ACSS3: variants seen among roughly 807,000 people sequenced by gnomAD.
ACSS3 encodes acyl-CoA synthetase short-chain family member 3, mitochondrial.
Under a neutral mutation model 84.2 loss-of-function variants are expected in ACSS3, and 64 were observed. The ratio of observed to expected loss-of-function variants is 0.76; its 90% CI spans 0.62 to 0.94. The LOEUF (loss-of-function observed/expected upper bound fraction) is 0.94. Ranked by LOEUF, ACSS3 falls within the 40% of genes least tolerant of loss-of-function variation. The pLI is 0.00. For missense variants in ACSS3, 815 were observed against 867.6 expected, an observed-to-expected ratio of 0.94 and a Z score of 0.76; for synonymous variants, 317 against 310.1, an observed-to-expected ratio of 1.02 and a Z score of -0.23.
intron 1 of ACSS3, among the ~76,000 whole-genome samples, chr12:81,107,484 G>T (rs1481983725): frequency 3.7e-5 from 3 of 81,266 alleles, no homozygotes; most frequent in Admixed American, 1.6e-4. Flanking sequence ...TGCCAGAAAT[G>T]TTTTTTTTTT....
intron 7 of ACSS3, among the ~76,000 whole-genome samples, chr12:81,165,126 T>C (rs548739663): frequency 3.1e-4 from 47 of 152,296 alleles, no homozygotes; most frequent in Non-Finnish European, 6.8e-4. Flanking sequence ...CCATGACTAG[T>C]TGTTAAAAAA....
At chr12:81,158,391 A>C (rs1593141058) in intron 7 of ACSS3, 2 of 153,634 alleles carry the variant, frequency 1.3e-5, no homozygotes, top group Middle Eastern at 1.0e-3. Context: ...CTTCAACAGC[A>C]ATTGGAGAAG....
intron 1 of ACSS3, among the ~76,000 whole-genome samples, chr12:81,096,966 T>C (rs978960086): frequency 2.0e-4 from 31 of 152,220 alleles, no homozygotes; most frequent in African/African-American, 7.5e-4. Context: ...AAATTTAAAG[T>C]TGTTTAATTT....
At chr12:81,171,196 A>G (rs1182306371) in intron 7 of ACSS3, among the ~76,000 whole-genome samples, 1 of 152,170 alleles carries the variant, frequency 6.6e-6, no homozygotes, top group East Asian at 1.9e-4. Flanking sequence ...TAAATAAATA[A>G]ATATACCAGT....
chr12:81,087,594 G>T (rs1881402434), intron 1 of ACSS3, among the ~76,000 whole-genome samples: 1 of 152,008 alleles, frequency 6.6e-6, no homozygotes, highest in African/African-American at 2.4e-5. Context: ...TTAATCTAAT[G>T]AGTGCATGGG....
At chr12:81,240,899 A>G (rs2033778245) in intron 13 of ACSS3, among the ~76,000 whole-genome samples, 1 of 151,968 alleles carries the variant, frequency 6.6e-6, no homozygotes, top group Non-Finnish European at 1.5e-5. Context: ...GGTTAGTTAC[A>G]TATGTATACA....
chr12:81,225,990 C>A (rs2033260907), intron 11 of ACSS3, among the ~76,000 whole-genome samples: 1 of 151,904 alleles, frequency 6.6e-6, no homozygotes, highest in South Asian at 2.1e-4. Flanking sequence ...TGCCTTTGTG[C>A]ATTAAGCCAC....
intron 9 of ACSS3, among the ~76,000 whole-genome samples, chr12:81,204,764 C>T (rs1385076568): frequency 6.6e-6 from 1 of 152,134 alleles, no homozygotes; most frequent in East Asian, 1.9e-4. Flanking sequence ...TTCAAGTGTC[C>T]TTATGTCCAG....
Position 81,078,258 on chromosome 12 carries a change from CG to C in ACSS3, c.143del (p.Gly48AlafsTer23). 6.2e-7 allele frequency: 1 copy of C among 1,609,178 alleles called. No homozygotes were observed. The highest frequency in any genetic ancestry group is 8.5e-7 in the Non-Finnish European group (1 of 1,179,414). On this transcript the variant is annotated frameshift_variant, in exon 1 of 16. Coordinates refer to ENST00000548058, the MANE Select transcript of ACSS3 (RefSeq NM_024560.4). LOFTEE classifies it high-confidence loss of function. ...LVVPGPRGGL[G>X]GRGCRALSSG... is the part of the protein sequence containing the mutation. ...TGGTCCCGGGCCCGCGGGGCGGTCTCGGGGGCCGGGGATGCAGGGCACTGTC... is the reference window on the plus strand; with the variant it reads ...TGGTCCCGGGCCCGCGGGGCGGTCTCGGGGCCGGGGATGCAGGGCACTGTC...
Position 81,260,732 on chromosome 12 carries a change from C to G in ACSS3, c.*5810C>G, listed in dbSNP as rs1456663412. ...AATAAATTGTGTGGCACTTTTAGTT[C>G]AAGGCAATGAAAACAGCACAAGGTG... On this transcript the variant is annotated 3_prime_UTR_variant, in exon 16 of 16. Coordinates refer to ENST00000548058, the MANE Select transcript of ACSS3 (RefSeq NM_024560.4). 1 of 152,156 alleles carries G rather than the reference C, an allele frequency of 6.6e-6. No individual in the cohort carries two copies. Among genetic ancestry groups the G allele is most frequent in the Non-Finnish European group, 1.5e-5 (1 of 68,024 alleles). The allele number at this position is 152,156 out of a possible 1,614,324, so 9.4% of individuals were successfully genotyped here.
At chr12:81,172,253 C>G (rs1009794184) in intron 7 of ACSS3, among the ~76,000 whole-genome samples, 1 of 16,010 alleles carries the variant, frequency 6.2e-5, no homozygotes, top group Non-Finnish European at 1.9e-4. Context: ...GAGTGAGGCT[C>G]TGTCTCAAAA....
At chr12:81,148,042 T>C (rs898841622) in intron 5 of ACSS3, among the ~76,000 whole-genome samples, 1 of 152,106 alleles carries the variant, frequency 6.6e-6, no homozygotes, top group Non-Finnish European at 1.5e-5. Context: ...TATGATTCTT[T>C]ATTACAAAAT....
At position 81,151,075 on chromosome 12, in the gene ACSS3, T is replaced by C. The variant is rs181026766; in HGVS notation, c.922-769T>C. Among the ~76,000 whole-genome samples the C allele has an allele frequency of 3.3e-5, 5 of 152,340 alleles. No individual in the cohort carries two copies. In the East Asian group the frequency reaches 7.7e-4, roughly 24 times the overall value. ...ATAAATGAACTTAATTATTAAATTT[T>C]CCATTAGTTCTTATTTATGGTGACA... On this transcript the variant is annotated intron_variant, in intron 5 of 15. Coordinates refer to ENST00000548058, the MANE Select transcript of ACSS3 (RefSeq NM_024560.4).
intron 5 of ACSS3, among the ~76,000 whole-genome samples, chr12:81,150,498 G>A (rs922603632): frequency 2.0e-5 from 3 of 152,174 alleles, no homozygotes; most frequent in Admixed American, 1.3e-4. Flanking sequence ...TAACTGTTTC[G>A]TTTACATGGG....
chr12:81,151,320 C>T (rs977140770), intron 5 of ACSS3, among the ~76,000 whole-genome samples: 1 of 152,118 alleles, frequency 6.6e-6, no homozygotes, highest in Admixed American at 6.6e-5. Flanking sequence ...AAGAATTGCT[C>T]AGCTTTAAAG....
intron 5 of ACSS3, among the ~76,000 whole-genome samples, chr12:81,146,052 G>T (rs1019808510): frequency 1.3e-5 from 2 of 152,092 alleles, no homozygotes; most frequent in Non-Finnish European, 2.9e-5. Context: ...CTATCTTATA[G>T]ATATTAGTTT....
chr12:81,244,580 A>G (rs2033920459), intron 13 of ACSS3, among the ~76,000 whole-genome samples: 2 of 149,160 alleles, frequency 1.3e-5, no homozygotes, highest in Non-Finnish European at 3.0e-5. Flanking sequence ...TTTCTCTTTG[A>G]TTTTTGGTTT....
At chr12:81,218,543 G>T (rs143214334) in intron 10 of ACSS3, among the ~76,000 whole-genome samples, 1 of 151,924 alleles carries the variant, frequency 6.6e-6, no homozygotes, top group Admixed American at 6.6e-5. Context: ...TATTCAAGGC[G>T]GAAATAGATA....
intron 9 of ACSS3, among the ~76,000 whole-genome samples, chr12:81,213,745 C>T (rs1384180461): frequency 1.1e-4 from 13 of 117,284 alleles, no homozygotes; most frequent in Non-Finnish European, 2.0e-4. Context: ...CCCCTCCGCT[C>T]GGCTCCTCTC....
Sources: gnomAD v4.1 joint callset for allele counts (sites outside exome capture counted in the v4.1 genomes callset) on GRCh38, gnomAD v4.1.1 for gene constraint, MANE v1.5 for transcripts, NCBI Gene and HGNC (gene_info 2026-07-23, HGNC 2026-07-21) for gene names.